CTNNA2: variants seen among roughly 807,000 people sequenced by gnomAD.
The protein encoded by CTNNA2 is catenin alpha-2.
Under a neutral mutation model 101.0 loss-of-function variants are expected in CTNNA2, and 42 were observed. That is an observed-to-expected ratio of 0.42 (90% CI 0.32 to 0.54). The LOEUF (loss-of-function observed/expected upper bound fraction) is 0.54. CTNNA2 is among the 20% of genes least tolerant of loss of function. The pLI is 0.14. For missense variants in CTNNA2, 871 were observed against 1,223.1 expected, an observed-to-expected ratio of 0.71 and a Z score of 4.29; for synonymous variants, 450 against 456.4, an observed-to-expected ratio of 0.99 and a Z score of 0.18.
intron 7 of CTNNA2, among the ~76,000 whole-genome samples, chr2:80,235,858 T>A (rs6747091): frequency 0.22 from 33,358 of 152,118 alleles, 5,507 homozygotes; most frequent in African/African-American, 0.46. Context: ...GTTTGTTACA[T>A]AAGTAAACTT....
chr2:79,252,829 A>G (rs1674790721), intron 2 of CTNNA2, among the ~76,000 whole-genome samples: 1 of 146,934 alleles, frequency 6.8e-6, no homozygotes, highest in Admixed American at 6.8e-5. Context: ...TTTTTTTTTT[A>G]GTGGACTTTA....
chr2:79,242,969 A>ATATATATATATATATATATATATATAT (rs1674646204), intron 2 of CTNNA2, among the ~76,000 whole-genome samples: 1 of 127,332 alleles, frequency 7.9e-6, no homozygotes, highest in African/African-American at 2.9e-5. Flanking sequence ...CCTGTCTCGA[A>ATATATATATATATATATATATATATAT]ATATATATAT....
intron 7 of CTNNA2, among the ~76,000 whole-genome samples, chr2:79,946,378 C>T (rs1407497031): frequency 1.3e-5 from 2 of 152,168 alleles, no homozygotes; most frequent in Non-Finnish European, 2.9e-5. Flanking sequence ...GACCCTTTGG[C>T]TCACCATGTT....
At chr2:79,270,035 T>C (rs1359739769) in intron 2 of CTNNA2, among the ~76,000 whole-genome samples, 1 of 152,146 alleles carries the variant, frequency 6.6e-6, no homozygotes, top group South Asian at 2.1e-4. Flanking sequence ...ACTTATTGTC[T>C]GTGATTTTTC....
At chr2:80,613,540 G>C (rs763330618) in intron 17 of CTNNA2, among the ~76,000 whole-genome samples, 9 of 151,070 alleles carry the variant, frequency 6.0e-5, no homozygotes, top group Non-Finnish European at 1.2e-4. Context: ...AAGGAGTCTG[G>C]TATACTGCTC....
chr2:80,033,022 G>T (rs1695396589), intron 7 of CTNNA2, among the ~76,000 whole-genome samples: 1 of 150,942 alleles, frequency 6.6e-6, no homozygotes, highest in Non-Finnish European at 1.5e-5. Context: ...ATGGTGGTGG[G>T]CGCCTGTAGT....
At chr2:79,689,326 C>T (rs1275321150) in intron 2 of CTNNA2, among the ~76,000 whole-genome samples, 7 of 151,860 alleles carry the variant, frequency 4.6e-5, no homozygotes, top group Non-Finnish European at 7.4e-5. Flanking sequence ...GGCAGATTAT[C>T]GTTGGAAAAT....
intron 7 of CTNNA2, among the ~76,000 whole-genome samples, chr2:80,081,455 T>G (rs954875698): frequency 1.3e-5 from 2 of 152,102 alleles, no homozygotes; most frequent in African/African-American, 4.8e-5. Context: ...GGTGGCTCCC[T>G]TCAGAAACAT....
chr2:80,631,408 G>A (rs139849506), intron 18 of CTNNA2, among the ~76,000 whole-genome samples: 51 of 144,678 alleles, frequency 3.5e-4, no homozygotes, highest in African/African-American at 1.2e-3. Context: ...TTTCCAGTCC[G>A]CTGAGGATTC....
chr2:80,353,277 A>G (rs1291309716), intron 7 of CTNNA2, among the ~76,000 whole-genome samples: 1 of 152,094 alleles, frequency 6.6e-6, no homozygotes, highest in Admixed American at 6.6e-5. Context: ...ATAAGGGACA[A>G]AATTCTGCCA....
In CTNNA2 at chr2:80,568,598, A is replaced by T. The variant is rs532766406; in HGVS notation, c.1742-5565A>T. On this transcript the variant is annotated intron_variant, in intron 12 of 18. Coordinates refer to ENST00000402739, the MANE Select transcript of CTNNA2 (RefSeq NM_001282597.3). ...GTGTGTGTGTGTGTGTGTGTGTGTG[A>T]GATTAGGATGCTATAAAATTACAGA... Among the ~76,000 whole-genome samples the T allele has an allele frequency of 1.0e-4, 15 of 143,098 alleles. No individual in the cohort carries two copies. The South Asian group carries it at 3.2e-3, about 30-fold the overall frequency. 93.9% of individuals were successfully genotyped at this position (143,098 alleles called of 152,430 possible).
chr2:80,168,717 C>T (rs967569388), intron 7 of CTNNA2, among the ~76,000 whole-genome samples: 1 of 152,142 alleles, frequency 6.6e-6, no homozygotes, highest in East Asian at 1.9e-4. Context: ...ACCCAAGGTG[C>T]TTTCCATATC....
At chr2:79,316,706 A>G (rs935503070) in intron 3 of CTNNA2, among the ~76,000 whole-genome samples, 1 of 151,568 alleles carries the variant, frequency 6.6e-6, no homozygotes, top group Non-Finnish European at 1.5e-5. Context: ...TCTTAATTTT[A>G]TTTTGGATTT....
At chr2:80,425,642 T>A (rs1488629908) in intron 9 of CTNNA2, among the ~76,000 whole-genome samples, 5 of 152,154 alleles carry the variant, frequency 3.3e-5, no homozygotes, top group African/African-American at 1.2e-4. Flanking sequence ...GTGATGATGG[T>A]TTTAGTCCTT....
At chr2:79,847,508 A>C (rs1354794766) in intron 3 of CTNNA2, among the ~76,000 whole-genome samples, 1 of 120,238 alleles carries the variant, frequency 8.3e-6, no homozygotes, top group Non-Finnish European at 1.6e-5. Flanking sequence ...ATGCCACTGC[A>C]CTCCAGCCTG....
intron 3 of CTNNA2, among the ~76,000 whole-genome samples, chr2:79,348,332 C>T (rs1018957224): frequency 5.9e-5 from 9 of 152,156 alleles, no homozygotes; most frequent in African/African-American, 2.2e-4. Flanking sequence ...ATCAAAATTT[C>T]AGATTTTGGA....
chr2:79,935,729 C>T (rs977620057), intron 7 of CTNNA2, among the ~76,000 whole-genome samples: 5 of 152,224 alleles, frequency 3.3e-5, no homozygotes, highest in African/African-American at 1.2e-4. Context: ...AATTGTCCCT[C>T]TAAAACGTTT....
intron 4 of CTNNA2, among the ~76,000 whole-genome samples, chr2:79,377,423 T>G (rs1436789621): frequency 6.6e-6 from 1 of 152,160 alleles, no homozygotes; most frequent in Non-Finnish European, 1.5e-5. Context: ...AAATAATTTT[T>G]TATTTGTACA....
chr2:79,770,057 C>T (rs1673462009), intron 3 of CTNNA2, among the ~76,000 whole-genome samples: 1 of 152,264 alleles, frequency 6.6e-6, no homozygotes. Context: ...TACCACTTCC[C>T]TCCAGGGGAC....
Sources: allele counts gnomAD v4.1 joint callset (sites outside exome capture counted in the v4.1 genomes callset), GRCh38; gene constraint gnomAD v4.1.1; transcripts MANE v1.5; gene names NCBI Gene and HGNC (gene_info 2026-07-23, HGNC 2026-07-21).